Variants in TMCO5A observed in about 807,000 individuals in gnomAD.
The protein encoded by TMCO5A is transmembrane and coiled-coil domain-containing protein 5A.
TMCO5A carries 34 observed loss-of-function variants against 42.3 expected under a neutral mutation model. The ratio of observed to expected loss-of-function variants is 0.80; its 90% CI spans 0.61 to 1.07. TMCO5A has a LOEUF of 1.07. Among genes scored for constraint, TMCO5A ranks in the 50% least tolerant of loss-of-function variants. The pLI, the probability that TMCO5A is intolerant of heterozygous loss-of-function variation, is 0.00. For missense variants in TMCO5A, 357 were observed against 327.9 expected (o/e 1.09, Z -0.69); for synonymous variants, 131 against 115.6 (o/e 1.13, Z -0.86).
At chr15:37,980,096 T>C in the TMCO5A span, among the ~76,000 whole-genome samples, 1 of 152,180 alleles carries the variant, frequency 6.6e-6, no homozygotes, top group Admixed American at 6.5e-5. Flanking sequence ...CTGCCACTAC[T>C]GGAAACTCCA....
At chr15:37,950,984 T>C in intron 11 of TMCO5A, 52 bp from the exon 12 acceptor site, 1 of 1,524,774 alleles carries the variant, frequency 6.6e-7, no homozygotes, top group Admixed American at 1.8e-5. Flanking sequence ...TTATTTTTTG[T>C]TCCAAGTTTT....
the TMCO5A span, among the ~76,000 whole-genome samples, chr15:37,989,264 C>A: frequency 6.6e-6 from 1 of 151,784 alleles, no homozygotes; most frequent in African/African-American, 2.4e-5. Flanking sequence ...AAAGAATCAA[C>A]TTTTGGTTAT....
the TMCO5A span, among the ~76,000 whole-genome samples, chr15:38,034,075 G>C: frequency 6.6e-6 from 1 of 152,186 alleles, no homozygotes; most frequent in African/African-American, 2.4e-5. Context: ...GTTGCGTTCT[G>C]TTTCTGAGAT....
downstream of TMCO5A, among the ~76,000 whole-genome samples, chr15:37,952,569 C>T (rs2890885): frequency 0.062 from 9,437 of 152,238 alleles, 394 homozygotes; most frequent in Admixed American, 0.14. Flanking sequence ...AGCAGCGATA[C>T]TTAAGTACTA....
At chr15:37,983,707 T>G in the TMCO5A span, among the ~76,000 whole-genome samples, 10 of 149,756 alleles carry the variant, frequency 6.7e-5, no homozygotes, top group Admixed American at 2.0e-4. Context: ...AGTCCTTTTT[T>G]TTCTTTTTAC....
At chr15:38,034,900 C>T in the TMCO5A span, among the ~76,000 whole-genome samples, 1 of 152,156 alleles carries the variant, frequency 6.6e-6, no homozygotes, top group Non-Finnish European at 1.5e-5. Context: ...AACCTGCCCA[C>T]CCAGAGCCCA....
the TMCO5A span, among the ~76,000 whole-genome samples, chr15:37,978,930 A>G: frequency 1.3e-5 from 2 of 151,884 alleles, no homozygotes; most frequent in African/African-American, 4.8e-5. Flanking sequence ...AGCAGGACCA[A>G]GGTGGGTCGA....
chr15:38,036,289 C>T, the TMCO5A span, among the ~76,000 whole-genome samples: 1 of 152,114 alleles, frequency 6.6e-6, no homozygotes, highest in African/African-American at 2.4e-5. Context: ...CCATCTTTTC[C>T]AATGCTAGTC....
intron 11 of TMCO5A, among the ~76,000 whole-genome samples, chr15:37,948,145 A>T (rs1199031606): frequency 3.3e-5 from 5 of 152,108 alleles, no homozygotes; most frequent in Admixed American, 1.3e-4. Flanking sequence ...AGCATCTAAC[A>T]GTATCCAACA....
At chr15:38,033,658 G>A in the TMCO5A span, among the ~76,000 whole-genome samples, 8 of 151,474 alleles carry the variant, frequency 5.3e-5, no homozygotes, top group African/African-American at 1.5e-4. Context: ...AGAGAGTCTC[G>A]CTCTGTCACC....
the TMCO5A span, among the ~76,000 whole-genome samples, chr15:38,011,152 T>C: frequency 1.3e-5 from 2 of 152,198 alleles, no homozygotes; most frequent in African/African-American, 4.8e-5. Flanking sequence ...CTTAGTTTGG[T>C]GTCTGTCCCT....
chr15:38,019,506 T>C, the TMCO5A span, among the ~76,000 whole-genome samples: 1 of 152,166 alleles, frequency 6.6e-6, no homozygotes, highest in Non-Finnish European at 1.5e-5. Context: ...TGTAACAAAA[T>C]TGAGTTGAAA....
the TMCO5A span, among the ~76,000 whole-genome samples, chr15:38,039,473 T>C: frequency 1.4e-4 from 21 of 152,216 alleles, no homozygotes; most frequent in Non-Finnish European, 2.1e-4. Flanking sequence ...ATCGTTCCTC[T>C]TGTGTTCTGA....
At chr15:38,016,133 T>C in the TMCO5A span, among the ~76,000 whole-genome samples, 5 of 152,112 alleles carry the variant, frequency 3.3e-5, no homozygotes, top group Non-Finnish European at 1.5e-5. Context: ...GGGGTGTTGA[T>C]AATGGGGGAG....
Position 37,936,337 on chromosome 15 carries a change from G to A in TMCO5A, c.14G>A (p.Arg5Lys), listed in dbSNP as rs1889508661. Residue 5 changes from arginine to lysine, a missense_variant, in exon 3 of 12, where the codon AGA becomes AAA. Physicochemically the swap from Arg to Lys is conservative, Grantham distance 26. Coordinates refer to ENST00000319669, the MANE Select transcript of TMCO5A (RefSeq NM_152453.4). MEISRLAQSKRNIIS... is the reference protein window; with the variant it reads MEISKLAQSKRNIIS... Reference sequence around the variant, plus strand: ...AGGTCGGAGAAAATGGAAATCTCAAGATTGGCTCAGTCAAAAAGAAACATT... The same window carrying A: ...AGGTCGGAGAAAATGGAAATCTCAAAATTGGCTCAGTCAAAAAGAAACATT... The A allele has an allele frequency of 6.2e-7, 1 of 1,612,272 alleles. No homozygotes were observed.
chr15:37,960,964 C>A (rs753545293), intron 11 of TMCO5A, among the ~76,000 whole-genome samples: 4 of 151,740 alleles, frequency 2.6e-5, no homozygotes, highest in African/African-American at 7.3e-5. Context: ...GTGTAGATTG[C>A]GAAGATTTTC....
chr15:37,999,547 C>T, the TMCO5A span, among the ~76,000 whole-genome samples: 68 of 152,274 alleles, frequency 4.5e-4, no homozygotes, highest in Non-Finnish European at 7.1e-4. Context: ...ATTGCTCTAA[C>T]TAGGATTTCT....
At chr15:38,008,837 C>T in the TMCO5A span, among the ~76,000 whole-genome samples, 1 of 152,162 alleles carries the variant, frequency 6.6e-6, no homozygotes, top group Non-Finnish European at 1.5e-5. Flanking sequence ...TCTTCTGAAT[C>T]GTTTAGCCAC....
chr15:37,963,493 G>C (rs1342015079), intron 11 of TMCO5A, among the ~76,000 whole-genome samples: 1 of 152,124 alleles, frequency 6.6e-6, no homozygotes, highest in Non-Finnish European at 1.5e-5. Context: ...CTTGGAGAAA[G>C]TTCCATGTGC....
Sources: gnomAD v4.1 joint callset for allele counts (sites outside exome capture counted in the v4.1 genomes callset) on GRCh38, gnomAD v4.1.1 for gene constraint, MANE v1.5 for transcripts, NCBI Gene and HGNC (gene_info 2026-07-23, HGNC 2026-07-21) for gene names.